Variants in LHPP observed in about 807,000 individuals in gnomAD.
LHPP encodes the protein phospholysine phosphohistidine inorganic pyrophosphate phosphatase.
LHPP carries 24 observed loss-of-function variants against 30.3 expected under a neutral mutation model. The ratio of observed to expected loss-of-function variants is 0.79; its 90% CI spans 0.57 to 1.11. LHPP has a LOEUF of 1.11. Ranked by LOEUF, LHPP falls within the 50% of genes most tolerant of loss-of-function variation. LHPP has a pLI of 0.00. For missense variants in LHPP, 356 were observed against 367.2 expected, an observed-to-expected ratio of 0.97 and a Z score of 0.25; for synonymous variants, 150 against 157.1, an observed-to-expected ratio of 0.95 and a Z score of 0.34.
chr10:124,463,255 GA>G (rs1952457801), intron 1 of LHPP, among the ~76,000 whole-genome samples: 1 of 151,934 alleles, frequency 6.6e-6, no homozygotes, highest in African/African-American at 2.4e-5. Context: ...GTGCTTATTA[GA>G]AAACTTTAAA....
chr10:124,559,823 T>C (rs189857957), intron 6 of LHPP, among the ~76,000 whole-genome samples: 50 of 152,354 alleles, frequency 3.3e-4, no homozygotes, highest in African/African-American at 1.2e-3. Flanking sequence ...TTGGCACCTG[T>C]CTGGGGTGTG....
intron 2 of LHPP, among the ~76,000 whole-genome samples, chr10:124,487,254 A>G (rs1265261739): frequency 6.6e-6 from 1 of 152,176 alleles, no homozygotes; most frequent in Admixed American, 6.5e-5. Context: ...CATAGGGTAC[A>G]TGTATGTTCA....
intron 1 of LHPP, 107 bp from the exon 2 acceptor site, chr10:124,484,032 C>G: frequency 9.4e-7 from 1 of 1,059,180 alleles, no homozygotes; most frequent in Non-Finnish European, 1.4e-6. Flanking sequence ...GTGGCCTAGT[C>G]TGCTCTGGGC....
intron 6 of LHPP, among the ~76,000 whole-genome samples, chr10:124,599,151 C>T (rs1948990536): frequency 6.6e-6 from 1 of 151,954 alleles, no homozygotes; most frequent in South Asian, 2.1e-4. Context: ...CCATTCATTG[C>T]CCATCTGTCC....
intron 5 of LHPP, among the ~76,000 whole-genome samples, chr10:124,507,013 G>GCA (rs1284849823): frequency 9.1e-5 from 2 of 22,056 alleles, no homozygotes; most frequent in African/African-American, 1.7e-4. Flanking sequence ...TTTCAGGTCG[G>GCA]GGGGTAGACA....
At chr10:124,484,015 G>T in intron 1 of LHPP, 124 bp from the exon 2 acceptor site, 2 of 830,316 alleles carry the variant, frequency 2.4e-6, no homozygotes, top group Non-Finnish European at 1.9e-6. Context: ...CCCCTCAGGG[G>T]CTCGCAGTGG....
chr10:124,613,210 G>A, intron 6 of LHPP, 54 bp from the exon 7 acceptor site: 3 of 1,322,282 alleles, frequency 2.3e-6, no homozygotes, highest in Non-Finnish European at 3.3e-6. Flanking sequence ...GGTGGGTGTG[G>A]CTGCAGAGGG....
At chr10:124,470,869 G>GGACC (rs1327397386) in intron 1 of LHPP, among the ~76,000 whole-genome samples, 1 of 152,134 alleles carries the variant, frequency 6.6e-6, no homozygotes, top group Non-Finnish European at 1.5e-5. Context: ...GACAAGGGGT[G>GGACC]TTTGTCGAGA....
At chr10:124,537,439 A>G (rs1291382004) in intron 6 of LHPP, among the ~76,000 whole-genome samples, 2 of 152,204 alleles carry the variant, frequency 1.3e-5, no homozygotes, top group African/African-American at 4.8e-5. Flanking sequence ...GCCCGGAGCA[A>G]GCTGTGCCAT....
chr10:124,546,828 T>G (rs1403150745), intron 6 of LHPP, among the ~76,000 whole-genome samples: 1 of 152,226 alleles, frequency 6.6e-6, no homozygotes, highest in Admixed American at 6.5e-5. Flanking sequence ...ACAGGCGTAC[T>G]TACTTTGTTT....
chr10:124,464,409 A>G (rs10794092), intron 1 of LHPP, among the ~76,000 whole-genome samples: 39,960 of 152,096 alleles, frequency 0.26, 6,351 homozygotes, highest in East Asian at 0.45. Context: ...CTGAGATAAT[A>G]GGGACCCAAA....
chr10:124,543,931 A>C (rs984224091), intron 6 of LHPP, among the ~76,000 whole-genome samples: 1 of 152,272 alleles, frequency 6.6e-6, no homozygotes, highest in Non-Finnish European at 1.5e-5. Flanking sequence ...CAAAAAATGC[A>C]TACTAAAAGC....
In LHPP at chr10:124,461,850, AGGGCC is replaced by A. The variant is rs1714072272; in HGVS notation, c.-8_-4del. ...CGGTTGGGACGCGGAGCTGAGGAGC[AGGGCC>A]GGGCGCCATGGCACCGTGGGGCAAG... is the stretch of plus-strand genomic sequence containing the variant. On this transcript the variant is annotated 5_prime_UTR_variant, in exon 1 of 7. Transcript: ENST00000368842. 8.1e-7 allele frequency: 1 copy of A among 1,240,536 alleles called. No homozygotes were observed. The highest frequency in any genetic ancestry group is 1.0e-6 in the Non-Finnish European group (1 of 988,800). The allele number at this position is 1,240,536 out of a possible 1,614,324, so 76.8% of individuals were successfully genotyped here. A position where few individuals can be genotyped will look rare whatever the true frequency, so the allele number is the denominator to read the frequency against.
intron 6 of LHPP, among the ~76,000 whole-genome samples, chr10:124,610,378 G>C: frequency 7.0e-6 from 1 of 142,838 alleles, no homozygotes; most frequent in South Asian, 2.2e-4. Flanking sequence ...CTGGTGGAGC[G>C]GGTGAGGGTG....
intron 3 of LHPP, chr10:124,490,445 G>T: frequency 3.0e-6 from 1 of 331,638 alleles, no homozygotes; most frequent in Non-Finnish European, 6.4e-6. Context: ...TGGCCTTCAT[G>T]ACGTGAAGGT....
intron 6 of LHPP, among the ~76,000 whole-genome samples, chr10:124,600,578 C>T (rs1390996950): frequency 6.6e-6 from 1 of 152,252 alleles, no homozygotes; most frequent in Non-Finnish European, 1.5e-5. Context: ...CCCGGGGTCT[C>T]ACGCAGTGGG....
intron 6 of LHPP, among the ~76,000 whole-genome samples, chr10:124,583,430 A>G (rs1948766458): frequency 6.6e-6 from 1 of 152,218 alleles, no homozygotes; most frequent in Non-Finnish European, 1.5e-5. Context: ...GTCATGGCAC[A>G]CTTGTCAAAA....
intron 6 of LHPP, among the ~76,000 whole-genome samples, chr10:124,599,892 G>C (rs1948999629): frequency 6.6e-6 from 1 of 152,236 alleles, no homozygotes; most frequent in Non-Finnish European, 1.5e-5. Flanking sequence ...CCCCAGGCCT[G>C]TGTCCCAGAG....
chr10:124,566,987 G>A (rs1948501923), intron 6 of LHPP, among the ~76,000 whole-genome samples: 1 of 152,158 alleles, frequency 6.6e-6, no homozygotes, highest in South Asian at 2.1e-4. Context: ...ACATCTCCAG[G>A]CACTGGGACC....
Sources: allele counts gnomAD v4.1 joint callset (sites outside exome capture counted in the v4.1 genomes callset), GRCh38; gene constraint gnomAD v4.1.1; transcripts MANE v1.5; gene names NCBI Gene and HGNC (gene_info 2026-07-23, HGNC 2026-07-21).